PAK1: variants seen among roughly 807,000 people sequenced by gnomAD.
PAK1 encodes the protein p21 (RAC1) activated kinase 1.
Under a neutral mutation model 67.4 loss-of-function variants are expected in PAK1, and 29 were observed. The ratio of observed to expected loss-of-function variants is 0.43; its 90% CI spans 0.32 to 0.59. PAK1 has a LOEUF of 0.59. PAK1 is among the 20% of genes least tolerant of loss of function. PAK1 has a pLI of 0.07. For synonymous variants in PAK1, 223 were observed against 237.4 expected, an observed-to-expected ratio of 0.94 and a Z score of 0.56; for missense variants, 337 against 670.7, an observed-to-expected ratio of 0.50 and a Z score of 5.50.
At position 77,340,819 on chromosome 11, in the gene PAK1, G is replaced by T; in HGVS notation, c.999-56C>A. 27 of 951,006 alleles carry T rather than the reference G, an allele frequency of 2.8e-5. No homozygotes were observed. In the South Asian group the frequency reaches 3.3e-4, roughly 12 times the overall value. 58.9% of individuals were successfully genotyped at this position (951,006 alleles called of 1,614,324 possible). On this transcript the variant is annotated intron_variant, in intron 10 of 14. Transcript: ENST00000356341. ...AACAATCAGAGTACACTGAGCCATAGCACTGGGTTTCAAAGGCTAAGCATA... is the reference window on the plus strand; with the variant it reads ...AACAATCAGAGTACACTGAGCCATATCACTGGGTTTCAAAGGCTAAGCATA...
intron 2 of PAK1, among the ~76,000 whole-genome samples, chr11:77,387,066 GCC>G (rs1443612285): frequency 2.9e-5 from 4 of 135,972 alleles, no homozygotes; most frequent in Non-Finnish European, 6.2e-5. Flanking sequence ...GAGCCACCAC[GCC>G]CAGCCTTTTT....
At position 77,349,274 on chromosome 11, in the gene PAK1, C is replaced by T. The variant is rs2136378130; in HGVS notation, c.850G>A (p.Val284Met). 1 of 1,600,080 alleles carries T rather than the reference C, an allele frequency of 6.2e-7. No homozygotes were observed. ...GTGGCCACATCCATTGCTGTGTACA[C>T]GGTGCCTGAAGCACTGAACAGTAAG... ...EKIGQGASGT[V>M]YTAMDVATGQ... The change falls in exon 9 of 15, where the codon GTG becomes ATG. Residue 284 changes from valine to methionine, a missense_variant. Coordinates refer to ENST00000356341, the MANE Select transcript of PAK1 (RefSeq NM_002576.5).
chr11:77,416,267 C>G (rs915087895), intron 1 of PAK1, among the ~76,000 whole-genome samples: 72 of 152,194 alleles, frequency 4.7e-4, no homozygotes, highest in Non-Finnish European at 4.4e-5. Context: ...GTGTGAGCCA[C>G]CACGCCTGCC....
chr11:77,369,356 T>C, intron 5 of PAK1, among the ~76,000 whole-genome samples: 1 of 151,680 alleles, frequency 6.6e-6, no homozygotes, highest in East Asian at 1.9e-4. Context: ...TCTATTGTCA[T>C]TTATTCTCAA....
At chr11:77,396,739 C>T (rs958068518) in intron 1 of PAK1, among the ~76,000 whole-genome samples, 1 of 152,182 alleles carries the variant, frequency 6.6e-6, no homozygotes, top group Non-Finnish European at 1.5e-5. Flanking sequence ...ACTATACTCA[C>T]AGAACACAAT....
chr11:77,417,661 C>T (rs1955040230), intron 1 of PAK1, among the ~76,000 whole-genome samples: 1 of 151,832 alleles, frequency 6.6e-6, no homozygotes, highest in Non-Finnish European at 1.5e-5. Flanking sequence ...AATATTGATT[C>T]ATCAATTGTA....
intron 1 of PAK1, among the ~76,000 whole-genome samples, chr11:77,418,619 G>A (rs369276452): frequency 1.3e-5 from 2 of 152,246 alleles, no homozygotes; most frequent in East Asian, 3.9e-4. Flanking sequence ...GAACTTCATT[G>A]TCTTCCTCTT....
chr11:77,393,286 AGAGAGAG>A (rs1356956279), intron 1 of PAK1, among the ~76,000 whole-genome samples: 6 of 43,114 alleles, frequency 1.4e-4, no homozygotes, highest in African/African-American at 2.5e-4. Context: ...AAAAAAAAAA[AGAGAGAG>A]AGAGAGAGAG....
At chr11:77,474,224 G>GGCGGCT (rs1159918295), upstream of PAK1, 11 of 151,908 alleles carry the variant, frequency 7.2e-5, no homozygotes, top group South Asian at 4.1e-4. Flanking sequence ...GCGCGGCGGC[G>GGCGGCT]GCGGCTGCGG....
At chr11:77,354,852 T>C (rs1279933714) in intron 7 of PAK1, among the ~76,000 whole-genome samples, 1 of 152,222 alleles carries the variant, frequency 6.6e-6, no homozygotes, top group Non-Finnish European at 1.5e-5. Flanking sequence ...CCTTGTCAAA[T>C]GATTCTTCCA....
At chr11:77,342,580 C>T (rs1463808991) in intron 10 of PAK1, among the ~76,000 whole-genome samples, 1 of 152,178 alleles carries the variant, frequency 6.6e-6, no homozygotes, top group African/African-American at 2.4e-5. Context: ...TGATAAGGTA[C>T]TAACTTTCAG....
At chr11:77,458,740 CTAAT>C (rs1037782005) in intron 1 of PAK1, among the ~76,000 whole-genome samples, 6 of 152,248 alleles carry the variant, frequency 3.9e-5, no homozygotes, top group African/African-American at 1.2e-4. Flanking sequence ...AACTTCAATA[CTAAT>C]TATAGTGCAA....
At chr11:77,453,101 T>C (rs1216942675) in intron 1 of PAK1, among the ~76,000 whole-genome samples, 1 of 152,198 alleles carries the variant, frequency 6.6e-6, no homozygotes, top group African/African-American at 2.4e-5. Flanking sequence ...ACGCCTGTAA[T>C]CCCAGCACTT....
At chr11:77,335,959 A>G (rs757877370) in intron 13 of PAK1, 127 bp downstream of exon 13, 6 of 532,618 alleles carry the variant, frequency 1.1e-5, no homozygotes, top group Non-Finnish European at 2.0e-5. Context: ...TTTAAGTTCA[A>G]CAGTGACTAG....
intron 6 of PAK1, 154 bp from the exon 7 acceptor site, chr11:77,355,996 G>C (rs139771622): frequency 3.4e-6 from 2 of 579,818 alleles, no homozygotes; most frequent in African/African-American, 3.8e-5. Context: ...TCTGTGCCCA[G>C]GCCCACCCAT....
intron 1 of PAK1, among the ~76,000 whole-genome samples, chr11:77,462,047 C>T (rs1336094584): frequency 1.3e-5 from 2 of 152,176 alleles, no homozygotes; most frequent in Admixed American, 6.5e-5. Flanking sequence ...CATCTTTTCG[C>T]CGGGCGCTGT....
chr11:77,422,172 C>T (rs754164666), intron 1 of PAK1, among the ~76,000 whole-genome samples: 2 of 152,146 alleles, frequency 1.3e-5, no homozygotes, highest in Non-Finnish European at 1.5e-5. Flanking sequence ...ATATCTCCAG[C>T]CCAAAATGAG....
At position 77,461,658 on chromosome 11, in the gene PAK1, T is replaced by C. The variant is rs546377729; in HGVS notation, c.-22+11894A>G. Among the ~76,000 whole-genome samples, 7 of 152,346 alleles carry C rather than the reference T, an allele frequency of 4.6e-5. No homozygotes were observed. The South Asian group carries it at 1.4e-3, about 32-fold the overall frequency. ...ATGATTACAACTACATGTATGTTTATGTATGTTTACATACACCAAAAAAGG... is the reference window on the plus strand; with the variant it reads ...ATGATTACAACTACATGTATGTTTACGTATGTTTACATACACCAAAAAAGG... On this transcript the variant is annotated intron_variant, in intron 1 of 14. Coordinates refer to ENST00000356341, the MANE Select transcript of PAK1 (RefSeq NM_002576.5).
intron 13 of PAK1, among the ~76,000 whole-genome samples, chr11:77,334,952 C>T (rs1413634847): frequency 6.6e-6 from 1 of 152,190 alleles, no homozygotes; most frequent in Non-Finnish European, 1.5e-5. Flanking sequence ...AGAACCTCTA[C>T]ATTGGCAAAT....
Sources: allele counts gnomAD v4.1 joint callset (sites outside exome capture counted in the v4.1 genomes callset), GRCh38; gene constraint gnomAD v4.1.1; transcripts MANE v1.5; gene names NCBI Gene and HGNC (gene_info 2026-07-23, HGNC 2026-07-21).